The following PRRX1 variants were observed in gnomAD, a reference collection of about 807,000 sequenced individuals.
The protein encoded by PRRX1 is paired related homeobox 1, also known as paired mesoderm homeobox protein 1.
A neutral mutation model predicts 24.0 loss-of-function variants in PRRX1; 8 were observed. The ratio of observed to expected loss-of-function variants is 0.33; its 90% CI spans 0.20 to 0.60. PRRX1 has a LOEUF of 0.60. Ranked by LOEUF, PRRX1 falls within the 20% of genes least tolerant of loss-of-function variation. The probability of loss-of-function intolerance (pLI) is 0.82; values close to 1 mark genes in which losing one functional copy is unlikely to be tolerated. For missense variants in PRRX1, 281 were observed against 322.4 expected, an observed-to-expected ratio of 0.87 and a Z score of 0.98; for synonymous variants, 160 against 131.7, an observed-to-expected ratio of 1.22 and a Z score of -1.47.
chr1:170,664,270 C>A lies in PRRX1; in HGVS notation c.52C>A (p.Arg18Ser). The change falls in exon 1 of 4, where the codon CGC (arginine) becomes AGC (serine). Residue 18 changes from arginine (R) to serine (S), a missense_variant. Transcript: ENST00000239461. ...VLERQPALGG[R>S]LDSPGNLDTL... is the part of the protein sequence containing the mutation. ...GGAGCGGCAACCGGCGCTGGGCGGC[C>A]GCTTGGACAGCCCGGGCAACCTCGA... 6.2e-7 allele frequency: 1 copy of A among 1,613,030 alleles called. No individual in the cohort carries two copies.
rs1010037890 is a variant in PRRX1, at chr1:170,725,552, C to T, written c.418-668C>T. On this transcript the variant is annotated intron_variant, in intron 2 of 3. Coordinates refer to ENST00000239461, the MANE Select transcript of PRRX1 (RefSeq NM_022716.4). ...TACACACACCCAGCTCTATCACCTCCAAGAGGGATAACTCTGAAGTGTGTG... is the reference window on the plus strand; with the variant it reads ...TACACACACCCAGCTCTATCACCTCTAAGAGGGATAACTCTGAAGTGTGTG... Among the ~76,000 whole-genome samples, 18 of 152,282 alleles carry T rather than the reference C, an allele frequency of 1.2e-4. No individual in the cohort carries two copies. The South Asian group carries it at 2.3e-3, about 19-fold the overall frequency.
At chr1:170,711,525 A>G (rs1654752229) in intron 1 of PRRX1, among the ~76,000 whole-genome samples, 1 of 152,194 alleles carries the variant, frequency 6.6e-6, no homozygotes, top group Non-Finnish European at 1.5e-5. Context: ...GTCTGCTTCC[A>G]GTCTTGGTTT....
intron 1 of PRRX1, among the ~76,000 whole-genome samples, chr1:170,687,114 G>A (rs145983871): frequency 1.4e-5 from 2 of 143,886 alleles, no homozygotes; most frequent in East Asian, 4.1e-4. Context: ...TGACCATTTA[G>A]GATTTCTCTC....
At chr1:170,689,897 T>C (rs2101897214) in intron 1 of PRRX1, among the ~76,000 whole-genome samples, 1 of 151,608 alleles carries the variant, frequency 6.6e-6, no homozygotes, top group Non-Finnish European at 1.5e-5. Flanking sequence ...TGTGTGCGTG[T>C]GTGTGTGTGT....
rs557928841 is a variant in PRRX1, at chr1:170,664,479, C to T, written c.241+20C>T. The T allele has an allele frequency of 6.3e-7, 1 of 1,585,726 alleles. No individual in the cohort carries two copies. The highest frequency in any genetic ancestry group is 8.6e-7 in the Non-Finnish European group (1 of 1,166,964). On this transcript the variant is annotated intron_variant, in intron 1 of 3. Transcript: ENST00000239461. ...AGGACAGTGAGTGAGGGGCGCATGC[C>T]CACGGGGGTGTGTGCCCGGGACAGA...
chr1:170,691,456 C>CTTTCT (rs1653946180), intron 1 of PRRX1, among the ~76,000 whole-genome samples: 1 of 100,786 alleles, frequency 9.9e-6, no homozygotes, highest in East Asian at 2.5e-4. Context: ...CTTTCCTTTC[C>CTTTCT]TTTCCTTTCC....
intron 1 of PRRX1, among the ~76,000 whole-genome samples, chr1:170,682,331 C>T (rs1202258293): frequency 1.1e-5 from 1 of 89,002 alleles, no homozygotes; most frequent in African/African-American, 3.1e-5. Context: ...AGTATTATCA[C>T]ACTGCATGGC....
intron 1 of PRRX1, among the ~76,000 whole-genome samples, chr1:170,699,053 A>G (rs1031617972): frequency 3.9e-5 from 6 of 152,204 alleles, no homozygotes; most frequent in African/African-American, 1.4e-4. Context: ...GGGCTTTTAA[A>G]GGTTGTAATT....
chr1:170,686,946 T>G (rs1167873159), intron 1 of PRRX1, among the ~76,000 whole-genome samples: 2 of 152,272 alleles, frequency 1.3e-5, no homozygotes, highest in Middle Eastern at 3.4e-3. Flanking sequence ...AAACAAGAAT[T>G]GACTGGACGC....
At chr1:170,672,024 T>C (rs562247221) in intron 1 of PRRX1, among the ~76,000 whole-genome samples, 4 of 152,052 alleles carry the variant, frequency 2.6e-5, no homozygotes, top group South Asian at 2.1e-4. Flanking sequence ...CCTGGCACCA[T>C]AGAGTTTTAG....
chr1:170,731,992 G>A (rs1259586250), intron 3 of PRRX1, among the ~76,000 whole-genome samples: 1 of 152,188 alleles, frequency 6.6e-6, no homozygotes, highest in Non-Finnish European at 1.5e-5. Flanking sequence ...CTCAGTCCCA[G>A]AACTTATGTC....
intron 1 of PRRX1, among the ~76,000 whole-genome samples, chr1:170,715,570 G>A (rs1245420236): frequency 3.3e-5 from 5 of 152,188 alleles, no homozygotes; most frequent in Non-Finnish European, 5.9e-5. Context: ...GGAACAGAGA[G>A]ATTTTAAACT....
At chr1:170,728,982 A>G (rs1655344162) in intron 3 of PRRX1, 1 of 152,236 alleles carries the variant, frequency 6.6e-6, no homozygotes, top group South Asian at 2.1e-4. Flanking sequence ...CTCACATGTG[A>G]CACTCATTAA....
intron 1 of PRRX1, among the ~76,000 whole-genome samples, chr1:170,691,369 TAG>T (rs1225522825): frequency 6.6e-6 from 1 of 152,044 alleles, no homozygotes; most frequent in Non-Finnish European, 1.5e-5. Context: ...CTTGCTTTTA[TAG>T]AGTTGCCACT....
chr1:170,680,405 C>G (rs1385990798), intron 1 of PRRX1, among the ~76,000 whole-genome samples: 1 of 152,290 alleles, frequency 6.6e-6, no homozygotes, highest in South Asian at 2.1e-4. Context: ...GGACCCACGT[C>G]TGTAGTAGAG....
At chr1:170,730,366 G>A in intron 3 of PRRX1, 1 of 1,588,636 alleles carries the variant, frequency 6.3e-7, no homozygotes, top group Non-Finnish European at 8.6e-7. Flanking sequence ...GTCAGAGGGG[G>A]AAGAGGGTGG....
chr1:170,721,968 G>C (rs1227341311), intron 2 of PRRX1, among the ~76,000 whole-genome samples: 1 of 151,202 alleles, frequency 6.6e-6, no homozygotes, highest in Admixed American at 6.6e-5. Flanking sequence ...GGGCAATGGT[G>C]GACATTTCAA....
chr1:170,681,317 T>C (rs920786829), intron 1 of PRRX1, among the ~76,000 whole-genome samples: 3 of 152,208 alleles, frequency 2.0e-5, no homozygotes, highest in African/African-American at 7.2e-5. Context: ...TCTGTTCTAC[T>C]GTATTCCAGT....
intron 1 of PRRX1, among the ~76,000 whole-genome samples, chr1:170,692,537 T>C (rs1286999650): frequency 2.0e-5 from 3 of 151,850 alleles, no homozygotes; most frequent in Non-Finnish European, 4.4e-5. Flanking sequence ...TTTTTTTAAA[T>C]TCAGGCCACT....
Sources: allele counts gnomAD v4.1 joint callset (sites outside exome capture counted in the v4.1 genomes callset), GRCh38; gene constraint gnomAD v4.1.1; transcripts MANE v1.5; gene names NCBI Gene and HGNC (gene_info 2026-07-23, HGNC 2026-07-21).